Variants in THEMIS observed in about 807,000 individuals in gnomAD.
The protein encoded by THEMIS is protein THEMIS.
In THEMIS, 37 loss-of-function variants were observed where a neutral mutation model predicts 52.6. That is an observed-to-expected ratio of 0.70 (90% CI 0.54 to 0.93). The LOEUF is 0.93. Among genes scored for constraint, THEMIS ranks in the 40% least tolerant of loss-of-function variants. The pLI is 0.00. For missense variants in THEMIS, 808 were observed against 763.1 expected, an observed-to-expected ratio of 1.06 and a Z score of -0.69; for synonymous variants, 292 against 272.7, an observed-to-expected ratio of 1.07 and a Z score of -0.70.
intron 4 of THEMIS, among the ~76,000 whole-genome samples, chr6:127,786,193 T>A (rs1417651719): frequency 1.3e-5 from 2 of 152,166 alleles, no homozygotes; most frequent in Non-Finnish European, 2.9e-5. Flanking sequence ...CTTATTTTTC[T>A]CAGGTAACAG....
chr6:127,847,944 T>A (rs577780745), intron 2 of THEMIS, among the ~76,000 whole-genome samples: 6 of 150,490 alleles, frequency 4.0e-5, no homozygotes, highest in Admixed American at 1.3e-4. Flanking sequence ...ATACTTTAAG[T>A]TTTAGGGTAC....
At chr6:127,788,338 G>A (rs1439569140) in intron 4 of THEMIS, among the ~76,000 whole-genome samples, 1 of 152,096 alleles carries the variant, frequency 6.6e-6, no homozygotes, top group Non-Finnish European at 1.5e-5. Flanking sequence ...ATCAAATCCA[G>A]GGATTGACAC....
chr6:127,877,449 G>C (rs1583385995), intron 1 of THEMIS, among the ~76,000 whole-genome samples: 1 of 152,116 alleles, frequency 6.6e-6, no homozygotes, highest in South Asian at 2.1e-4. Flanking sequence ...TTGATTGAAA[G>C]TGAGAGAGTA....
intron 4 of THEMIS, among the ~76,000 whole-genome samples, chr6:127,771,079 G>T (rs1205786094): frequency 6.6e-6 from 1 of 152,044 alleles, no homozygotes; most frequent in African/African-American, 2.4e-5. Context: ...CAAAGTCTCA[G>T]GATACAAAAT....
chr6:127,769,341 AGTTTTTTTTT>A (rs1187325720), intron 4 of THEMIS, among the ~76,000 whole-genome samples: 1 of 145,538 alleles, frequency 6.9e-6, no homozygotes, highest in Non-Finnish European at 1.5e-5. Context: ...AAAATAGACC[AGTTTTTTTTT>A]GTTTTTTTTT....
chr6:127,701,541 G>T, the THEMIS span, among the ~76,000 whole-genome samples: 1 of 151,944 alleles, frequency 6.6e-6, no homozygotes, highest in Non-Finnish European at 1.5e-5. Flanking sequence ...TTTATATTTG[G>T]TTTTGTTGGA....
chr6:127,892,498 G>A (rs999483155), intron 1 of THEMIS, among the ~76,000 whole-genome samples: 1 of 152,096 alleles, frequency 6.6e-6, no homozygotes. Context: ...GCTCCGAGAG[G>A]GGAGGGCTTT....
chr6:127,746,183 C>G (rs1434920755), intron 4 of THEMIS, among the ~76,000 whole-genome samples: 2 of 151,568 alleles, frequency 1.3e-5, no homozygotes, highest in African/African-American at 4.8e-5. Flanking sequence ...AAAGAAAACC[C>G]AAAATATTAA....
chr6:127,826,034 A>G (rs12664881), intron 3 of THEMIS, among the ~76,000 whole-genome samples: 14,788 of 152,210 alleles, frequency 0.097, 805 homozygotes, highest in African/African-American at 0.15. Flanking sequence ...GGGAAGGGGA[A>G]GTAGGAATAT....
At chr6:127,711,644 A>T (rs1773987039) in intron 5 of THEMIS, among the ~76,000 whole-genome samples, 1 of 151,996 alleles carries the variant, frequency 6.6e-6, no homozygotes. Context: ...ATAAAACCAT[A>T]TACTGTAGAA....
chr6:127,854,060 G>A (rs1407327797), intron 2 of THEMIS, among the ~76,000 whole-genome samples: 1 of 151,664 alleles, frequency 6.6e-6, no homozygotes, highest in Non-Finnish European at 1.5e-5. Flanking sequence ...CATTCATTCA[G>A]TTAACAATTC....
intron 3 of THEMIS, among the ~76,000 whole-genome samples, chr6:127,827,600 A>T (rs888615580): frequency 4.6e-5 from 7 of 152,236 alleles, no homozygotes; most frequent in African/African-American, 1.7e-4. Context: ...TGATCTGATG[A>T]TGATTACATT....
rs1282715544 is a variant in THEMIS, at chr6:127,767,278, G to T, written c.1758+45605C>A. Among the ~76,000 whole-genome samples the T allele has an allele frequency of 4.6e-5, 7 of 151,854 alleles. No homozygotes were observed. The East Asian group carries it at 1.4e-3, about 29-fold the overall frequency. ...AGCTAATTTTTTGTATTTTAGTAAAGGCACTGTTTCACCATGTTGGCCAGG... is the reference window on the plus strand; with the variant it reads ...AGCTAATTTTTTGTATTTTAGTAAATGCACTGTTTCACCATGTTGGCCAGG... On this transcript the variant is annotated intron_variant, in intron 4 of 5. Transcript: ENST00000368248.
chr6:127,761,341 T>C (rs1776014084), intron 4 of THEMIS, among the ~76,000 whole-genome samples: 1 of 152,104 alleles, frequency 6.6e-6, no homozygotes. Flanking sequence ...TGCCTCTCAC[T>C]CAAGCTATAG....
At chr6:127,726,279 G>A (rs999401467) in intron 4 of THEMIS, among the ~76,000 whole-genome samples, 8 of 152,080 alleles carry the variant, frequency 5.3e-5, no homozygotes, top group Non-Finnish European at 1.0e-4. Context: ...CTATGGAAAA[G>A]AAAGATGCCT....
chr6:127,814,124 G>A (rs1477720806), intron 3 of THEMIS, among the ~76,000 whole-genome samples, 193 bp from the exon 4 acceptor site: 3 of 152,132 alleles, frequency 2.0e-5, no homozygotes, highest in South Asian at 4.2e-4. Context: ...AAACCAACAC[G>A]CATAAGCCCA....
At chr6:127,744,225 CT>C (rs1775305785) in intron 4 of THEMIS, among the ~76,000 whole-genome samples, 2 of 151,996 alleles carry the variant, frequency 1.3e-5, no homozygotes, top group African/African-American at 4.8e-5. Flanking sequence ...CAACATGTGT[CT>C]TTTATAGTCT....
intron 4 of THEMIS, among the ~76,000 whole-genome samples, chr6:127,738,119 C>T (rs1775069292): frequency 6.6e-6 from 1 of 152,054 alleles, no homozygotes; most frequent in Non-Finnish European, 1.5e-5. Flanking sequence ...CTCATTCTCT[C>T]CCCTCACTCC....
chr6:127,769,358 T>G (rs923713535), intron 4 of THEMIS, among the ~76,000 whole-genome samples: 3 of 151,814 alleles, frequency 2.0e-5, no homozygotes, highest in African/African-American at 7.2e-5. Context: ...TTTTGTTTTT[T>G]TTTTTTGTTT....
Sources: allele counts gnomAD v4.1 joint callset (sites outside exome capture counted in the v4.1 genomes callset), GRCh38; gene constraint gnomAD v4.1.1; transcripts MANE v1.5; gene names NCBI Gene and HGNC (gene_info 2026-07-23, HGNC 2026-07-21).